The following TBC1D7 variants were observed in gnomAD, a reference collection of about 807,000 sequenced individuals.
TBC1D7 encodes TBC domain family 7.
In TBC1D7, 33 loss-of-function variants were observed where a neutral mutation model predicts 35.3. The ratio of observed to expected loss-of-function variants is 0.93; its 90% confidence interval spans 0.71 to 1.25. The LOEUF (loss-of-function observed/expected upper bound fraction) is 1.25, where lower values mean the gene tolerates loss of function less well. Among genes scored for constraint, TBC1D7 ranks in the 50% most tolerant of loss-of-function variants. The probability of loss-of-function intolerance (pLI) is 0.00; values close to 1 mark genes in which losing one functional copy is unlikely to be tolerated. For missense variants in TBC1D7, 362 were observed against 365.3 expected (o/e 0.99, Z 0.07); for synonymous variants, 135 against 129.5 (o/e 1.04, Z -0.29).
At chr6:13,307,578 T>C (rs371031464) in intron 6 of TBC1D7, 22 bp downstream of exon 6, 1 of 1,613,082 alleles carries the variant, frequency 6.2e-7, no homozygotes, top group South Asian at 1.1e-5. Context: ...GCCTTCAATA[T>C]GTCTTCGAAA....
chr6:13,317,369 T>C (rs1016357366), intron 4 of TBC1D7, among the ~76,000 whole-genome samples: 6 of 152,352 alleles, frequency 3.9e-5, no homozygotes, highest in African/African-American at 1.2e-4. Context: ...AAACCTCTTC[T>C]GCTTTCAAAC....
At chr6:13,326,942 A>G in intron 1 of TBC1D7, 36 bp from the exon 2 acceptor site, 1 of 1,231,524 alleles carries the variant, frequency 8.1e-7, no homozygotes, top group Non-Finnish European at 1.2e-6. Flanking sequence ...AAGGGAGAGA[A>G]AGACGAAGGG....
rs1206352108 is a variant in TBC1D7, at chr6:13,326,790, G to T, written c.109C>A (p.Leu37Met). The T allele has an allele frequency of 2.5e-6, 4 of 1,604,036 alleles. No individual in the cohort carries two copies. In the Admixed American group the frequency reaches 6.7e-5, roughly 27 times the overall value. ...ATTAATTTTTAAAAGTACTCACCCA[G>T]ACGGTCATCTTTTAGGAGAATTTCT... ...SLEILLKDDRLDTEKLCTFSQ... is the reference protein window; with the variant it reads ...SLEILLKDDRMDTEKLCTFSQ... Residue 37 changes from leucine to methionine, a missense_variant, in exon 2 of 8, where the codon CTG (leucine) becomes ATG (methionine). Coordinates refer to ENST00000379300, the MANE Select transcript of TBC1D7 (RefSeq NM_016495.6).
chr6:13,316,552 A>G lies in TBC1D7; in HGVS notation c.519+19T>C. 1.3e-6 allele frequency: 2 copies of G among 1,554,734 alleles called. No individual in the cohort carries two copies. Among genetic ancestry groups the G allele is most frequent in the Non-Finnish European group, 8.7e-7 (1 of 1,152,568 alleles). On this transcript the variant is annotated intron_variant, in intron 5 of 7. Coordinates refer to ENST00000379300, the MANE Select transcript of TBC1D7 (RefSeq NM_016495.6). ...CATTGTTCACTCTCCAATAGCCAAA[A>G]AAAAAAAAAAGCCCTCACCAACTGG...
intron 1 of TBC1D7, 159 bp downstream of exon 1, chr6:13,328,137 G>C (rs544253123): frequency 6.6e-6 from 1 of 152,164 alleles, no homozygotes; most frequent in African/African-American, 2.4e-5. Context: ...GTTGTCTAAG[G>C]ACACCCATTC....
At chr6:13,321,405 G>A (rs1374729901) in intron 3 of TBC1D7, among the ~76,000 whole-genome samples, 1 of 152,176 alleles carries the variant, frequency 6.6e-6, no homozygotes, top group Admixed American at 6.5e-5. Context: ...TCCTAACAAT[G>A]GTTTAACTTA....
intron 5 of TBC1D7, among the ~76,000 whole-genome samples, chr6:13,313,597 T>C (rs1783387124): frequency 6.6e-6 from 1 of 152,226 alleles, no homozygotes; most frequent in South Asian, 2.1e-4. Context: ...AGGGCATGCT[T>C]ACTCTCAGTA....
intron 4 of TBC1D7, 32 bp from the exon 5 acceptor site, chr6:13,316,740 G>C (rs201392716): frequency 1.6e-4 from 259 of 1,608,814 alleles, no homozygotes; most frequent in Non-Finnish European, 2.1e-4. Context: ...TCAAGAGGAA[G>C]GCAGTGAAAG....
intron 5 of TBC1D7, among the ~76,000 whole-genome samples, chr6:13,308,445 A>G (rs1179322219): frequency 8.2e-6 from 1 of 121,890 alleles, no homozygotes; most frequent in Non-Finnish European, 1.7e-5. Flanking sequence ...TCCACTTGGT[A>G]GCCTCTCTCA....
rs1782897815 is a variant in TBC1D7 at position 13,307,599 on chromosome 6, C to T, written c.665+1G>A. On this transcript the variant is annotated splice_donor_variant, in intron 6 of 7. Transcript: ENST00000379300. LOFTEE classifies it high-confidence loss of function. ...AATATGTCTTCGAAAGACCTACTTG[C>T]CTCTGTAAACTGGATTCAGGCAAAC... The T allele has an allele frequency of 6.2e-7, 1 of 1,613,928 alleles. No homozygotes were observed. Among genetic ancestry groups the T allele is most frequent in the Admixed American group, 1.7e-5 (1 of 59,996 alleles).
intron 5 of TBC1D7, among the ~76,000 whole-genome samples, chr6:13,312,682 G>T (rs3001968): frequency 2.1e-5 from 3 of 143,232 alleles, no homozygotes; most frequent in African/African-American, 8.0e-5. Context: ...ACAGAGCAAG[G>T]CTCCATCTCA....
At chr6:13,315,593 T>A (rs1233273211) in intron 5 of TBC1D7, among the ~76,000 whole-genome samples, 1 of 152,140 alleles carries the variant, frequency 6.6e-6, no homozygotes, top group Admixed American at 6.5e-5. Context: ...GGCAGGCACC[T>A]GTAATCCCAC....
Position 13,307,738 on chromosome 6 carries a change from G to A in TBC1D7, c.527C>T (p.Ala176Val), listed in dbSNP as rs189470085. The change falls in exon 6 of 8, where the codon GCG becomes GTG. Residue 176 changes from alanine (A) to valine (V), a missense_variant. Coordinates refer to ENST00000379300, the MANE Select transcript of TBC1D7 (RefSeq NM_016495.6). Reference sequence around the variant, plus strand: ...TTCCAGATTCAAGTATTGTTCAAACGCTTTTGGCTAAAGATTAAGCAAGAA... The same window carrying A: ...TTCCAGATTCAAGTATTGTTCAAACACTTTTGGCTAAAGATTAAGCAAGAA... ...YRDSLPQLPK[A>V]FEQYLNLEDG... 107 of 1,613,306 alleles carry A rather than the reference G, an allele frequency of 6.6e-5. 1 individual carries two copies. In the East Asian group the frequency reaches 2.2e-3, roughly 33 times the overall value.
chr6:13,310,637 C>CAAAAAAAAAAAAAAAAAAAAAAA (rs546122443), intron 5 of TBC1D7, among the ~76,000 whole-genome samples: 64 of 72,856 alleles, frequency 8.8e-4, no homozygotes, highest in African/African-American at 1.5e-3. Context: ...GACTCCGTCT[C>CAAAAAAAAAAAAAAAAAAAAAAA]AAAAAAAAAA....
In TBC1D7 at chr6:13,310,637, C is replaced by CAAAAAAAAAAAAAAAAAAAAAAAAAAAAA. The variant is rs546122443; in HGVS notation, c.520-2893_520-2892insTTTTTTTTTTTTTTTTTTTTTTTTTTTTT. Among the ~76,000 whole-genome samples, 122 of 72,826 alleles carry CAAAAAAAAAAAAAAAAAAAAAAAAAAAAA rather than the reference C, an allele frequency of 1.7e-3. 3 individuals carry two copies. Among genetic ancestry groups the CAAAAAAAAAAAAAAAAAAAAAAAAAAAAA allele is most frequent in the Non-Finnish European group, 2.1e-3 (78 of 36,888 alleles). The allele number at this position is 72,826 out of a possible 152,430, so 47.8% of individuals were successfully genotyped here. ...TGGGTGACAGAGCGAGACTCCGTCTCAAAAAAAAAAAAAAAAGAATATTGT... is the reference window on the plus strand; with the variant it reads ...TGGGTGACAGAGCGAGACTCCGTCTCAAAAAAAAAAAAAAAAAAAAAAAAAAAAAAAAAAAAAAAAAAAAAGAATATTGT... On this transcript the variant is annotated intron_variant, in intron 5 of 7. Coordinates refer to ENST00000379300, the MANE Select transcript of TBC1D7 (RefSeq NM_016495.6).
At chr6:13,308,360 C>G (rs982914277) in intron 5 of TBC1D7, among the ~76,000 whole-genome samples, 12 of 152,298 alleles carry the variant, frequency 7.9e-5, no homozygotes, top group Admixed American at 5.9e-4. Context: ...AGGGTGAACT[C>G]TGTATTCAAC....
At position 13,316,610 on chromosome 6, in the gene TBC1D7, G is replaced by T; in HGVS notation, c.480C>A (p.Asn160Lys). Residue 160 changes from asparagine to lysine, a missense_variant, in exon 5 of 8, where the codon AAC becomes AAA. By Grantham distance (94) the Asn-to-Lys change is moderately conservative. Transcript: ENST00000379300. ...DCYWITRRFV[N>K]QLNTKYRDSL... ...AATCCCGGTACTTGGTATTTAATTG[G>T]TTCACAAAGCGTCGGGTGATCCAGT... 1 of 1,613,298 alleles carries T rather than the reference G, an allele frequency of 6.2e-7. No individual in the cohort carries two copies. The highest frequency in any genetic ancestry group is 8.5e-7 in the Non-Finnish European group (1 of 1,179,970).
chr6:13,307,659 A>C lies in TBC1D7; in HGVS notation c.606T>G (p.Pro202=). Residue 202 remains proline (P), a synonymous_variant, in exon 6 of 8, where the codon CCT becomes CCG. Coordinates refer to ENST00000379300, the MANE Select transcript of TBC1D7 (RefSeq NM_016495.6). ...AGCACCTCTTGAACCAGAGATCATA[A>C]GGAAGTTTGGGCGCCGCGGAACACA... is the stretch of plus-strand genomic sequence containing the variant. ...LRMCSAAPKL[P]YDLWFKRCFA... 3 of 1,614,194 alleles carry C rather than the reference A, an allele frequency of 1.9e-6. No homozygotes were observed. Among genetic ancestry groups the C allele is most frequent in the Non-Finnish European group, 2.5e-6 (3 of 1,180,028 alleles).
chr6:13,311,978 C>T (rs577432905), intron 5 of TBC1D7, among the ~76,000 whole-genome samples: 24 of 151,368 alleles, frequency 1.6e-4, no homozygotes, highest in African/African-American at 5.6e-4. Flanking sequence ...TATATATATA[C>T]ACACACACAT....
Sources: allele counts gnomAD v4.1 joint callset (sites outside exome capture counted in the v4.1 genomes callset), GRCh38; gene constraint gnomAD v4.1.1; transcripts MANE v1.5; gene names NCBI Gene and HGNC (gene_info 2026-07-23, HGNC 2026-07-21).